The following CALD1 variants were observed in gnomAD, a reference collection of about 807,000 sequenced individuals.
CALD1 encodes the protein caldesmon 1.
In CALD1, 33 loss-of-function variants were observed where a neutral mutation model predicts 99.9. The observed-to-expected ratio is 0.33, with a 90% CI of 0.25 to 0.44. The LOEUF is 0.44. CALD1 is among the 20% of genes least tolerant of loss of function. CALD1 has a pLI of 1.00. For missense variants in CALD1, 861 were observed against 962.1 expected, an observed-to-expected ratio of 0.89 and a Z score of 1.39; for synonymous variants, 310 against 325.0, an observed-to-expected ratio of 0.95 and a Z score of 0.50.
chr7:134,756,956 C>T (rs1796735582), intron 1 of CALD1, among the ~76,000 whole-genome samples: 1 of 152,322 alleles, frequency 6.6e-6, no homozygotes, highest in East Asian at 1.9e-4. Context: ...AAAACCGCCA[C>T]TTACGCTCAT....
intron 3 of CALD1, among the ~76,000 whole-genome samples, chr7:134,920,200 G>A (rs916609666): frequency 6.6e-6 from 1 of 152,190 alleles, no homozygotes; most frequent in Non-Finnish European, 1.5e-5. Flanking sequence ...TGCTAAGAAT[G>A]TTTGAGCAAT....
At chr7:134,790,032 G>A (rs994981058) in intron 1 of CALD1, among the ~76,000 whole-genome samples, 1 of 150,654 alleles carries the variant, frequency 6.6e-6, no homozygotes, top group Non-Finnish European at 1.5e-5. Flanking sequence ...GACCTGGAAT[G>A]AGAGGGAGTA....
chr7:134,960,539 G>A lies in CALD1; in HGVS notation c.2206G>A (p.Ala736Thr), dbSNP rs182783470. The change falls in exon 13 of 15, where the codon GCT (alanine) becomes ACT (threonine). Residue 736 changes from alanine (A) to threonine (T), a missense_variant. Physicochemically the swap from Ala to Thr is moderately conservative, Grantham distance 58. Transcript: ENST00000361675. Reference sequence around the variant, plus strand: ...GATGATTGCCCCTTTGTAGGAAACTGCTGGCTTGAAGGTAGGGGTTTCTAG... The same window carrying A: ...GATGATTGCCCCTTTGTAGGAAACTACTGGCTTGAAGGTAGGGGTTTCTAG... ...TAAGTPNKET[A>T]GLKVGVSSRI... The A allele has an allele frequency of 5.6e-6, 9 of 1,608,558 alleles. No homozygotes were observed. The Admixed American group carries it at 1.5e-4, about 27-fold the overall frequency.
intron 3 of CALD1, among the ~76,000 whole-genome samples, chr7:134,897,674 TTTTTG>T (rs1802679154): frequency 6.8e-6 from 1 of 146,582 alleles, no homozygotes; most frequent in African/African-American, 2.4e-5. Context: ...GCATGGAGGT[TTTTTG>T]TTTTGTTTTG....
intron 13 of CALD1, chr7:134,962,429 C>G (rs888302711): frequency 6.7e-5 from 10 of 149,674 alleles, no homozygotes; most frequent in Non-Finnish European, 1.3e-4. Context: ...CCTGCTTTAC[C>G]TACTAATTAG....
At chr7:134,934,208 T>C in intron 5 of CALD1, 131 bp downstream of exon 5, 1 of 1,387,464 alleles carries the variant, frequency 7.2e-7, no homozygotes, top group Non-Finnish European at 9.8e-7. Context: ...TGTTCATTTT[T>C]TCAGGCCATA....
intron 3 of CALD1, among the ~76,000 whole-genome samples, chr7:134,914,910 T>C (rs1586291308): frequency 6.6e-6 from 1 of 152,216 alleles, no homozygotes; most frequent in Non-Finnish European, 1.5e-5. Flanking sequence ...CCTTAACAGG[T>C]CTTAACTTCC....
Position 134,867,744 on chromosome 7 carries a change from T to C in CALD1, c.11T>C (p.Phe4Ser). 1.2e-6 allele frequency: 2 copies of C among 1,608,602 alleles called. No individual in the cohort carries two copies. Among genetic ancestry groups the C allele is most frequent in the South Asian group, 1.1e-5 (1 of 90,354 alleles). Residue 4 changes from phenylalanine (F) to serine (S), a missense_variant, in exon 3 of 15, where the codon TTT becomes TCT. Transcript: ENST00000361675. Reference sequence around the variant, plus strand: ...ACCTGAAATCACACCATGGATGATTTTGAGCGTCGCAGAGAACTTAGAAGG... The same window carrying C: ...ACCTGAAATCACACCATGGATGATTCTGAGCGTCGCAGAGAACTTAGAAGG... The part of the protein sequence containing the change: MDD[F>S]ERRRELRRQK...
chr7:134,958,154 T>C lies in CALD1; in HGVS notation c.1979+42T>C, dbSNP rs930350740. ...GTTCAATTGAGCTAATCAGCTAGCA[T>C]ATGTATGAGAAGATTCTCTCTCATA... On this transcript the variant is annotated intron_variant, in intron 10 of 14. Transcript: ENST00000361675. 2.5e-6 allele frequency: 4 copies of C among 1,603,200 alleles called. No homozygotes were observed. The African/African-American group carries it at 5.4e-5, about 21-fold the overall frequency.
chr7:134,869,845 A>G (rs947198937), intron 3 of CALD1, among the ~76,000 whole-genome samples: 5 of 152,164 alleles, frequency 3.3e-5, no homozygotes, highest in Non-Finnish European at 7.4e-5. Flanking sequence ...AAGTGTAGAA[A>G]AAGTGAGCGG....
intron 1 of CALD1, among the ~76,000 whole-genome samples, chr7:134,772,255 G>A (rs909283306): frequency 6.6e-6 from 1 of 151,882 alleles, no homozygotes; most frequent in Non-Finnish European, 1.5e-5. Flanking sequence ...CACCACACCT[G>A]GTTAATTTTT....
chr7:134,733,399 GA>G, the CALD1 span, among the ~76,000 whole-genome samples: 1 of 152,198 alleles, frequency 6.6e-6, no homozygotes, highest in Non-Finnish European at 1.5e-5. Context: ...AGAAGCCACA[GA>G]ACTGTTTTCA....
chr7:134,866,732 G>A (rs1305343830), intron 2 of CALD1: 1 of 152,080 alleles, frequency 6.6e-6, no homozygotes, highest in Admixed American at 6.5e-5. Context: ...TCTGTGATTC[G>A]AGCGCAGCAG....
the CALD1 span, among the ~76,000 whole-genome samples, chr7:134,726,111 T>C: frequency 3.3e-5 from 5 of 152,070 alleles, no homozygotes; most frequent in East Asian, 7.7e-4. Flanking sequence ...AGAATACTTA[T>C]AGGAATACAC....
the CALD1 span, among the ~76,000 whole-genome samples, chr7:134,727,029 A>G: frequency 6.6e-6 from 1 of 152,216 alleles, no homozygotes; most frequent in African/African-American, 2.4e-5. Flanking sequence ...AGAAGGGTGC[A>G]TCTGCCAGGA....
chr7:134,909,767 A>G (rs1803666820), intron 3 of CALD1, among the ~76,000 whole-genome samples: 1 of 152,198 alleles, frequency 6.6e-6, no homozygotes, highest in African/African-American at 2.4e-5. Context: ...CTTAAAACTG[A>G]CAGACAAGTT....
At chr7:134,825,779 A>G (rs1241216456) in intron 1 of CALD1, among the ~76,000 whole-genome samples, 1 of 152,178 alleles carries the variant, frequency 6.6e-6, no homozygotes, top group African/African-American at 2.4e-5. Context: ...GGTCATTAAT[A>G]GCTCAATTTT....
At chr7:134,892,231 A>G (rs1470350819) in intron 3 of CALD1, among the ~76,000 whole-genome samples, 52 of 152,230 alleles carry the variant, frequency 3.4e-4, no homozygotes, top group Admixed American at 3.4e-3. Context: ...CTGGAATGTT[A>G]AAGCCAGAAG....
intron 11 of CALD1, 65 bp from the exon 12 acceptor site, chr7:134,959,909 C>T (rs1808120224): frequency 3.3e-6 from 5 of 1,530,966 alleles, no homozygotes; most frequent in Middle Eastern, 3.5e-4. Flanking sequence ...GGAAGACAAA[C>T]TCACTATAAT....
Sources: allele counts gnomAD v4.1 joint callset (sites outside exome capture counted in the v4.1 genomes callset), GRCh38; gene constraint gnomAD v4.1.1; transcripts MANE v1.5; gene names NCBI Gene and HGNC (gene_info 2026-07-23, HGNC 2026-07-21).